DPP10: variants seen among roughly 807,000 people sequenced by gnomAD.
DPP10 encodes the protein inactive dipeptidyl peptidase 10.
DPP10 carries 33 observed loss-of-function variants against 120.9 expected under a neutral mutation model. The observed-to-expected ratio is 0.27, with a 90% confidence interval of 0.21 to 0.37. The LOEUF (loss-of-function observed/expected upper bound fraction) is 0.37. Ranked by LOEUF, DPP10 falls within the 10% of genes least tolerant of loss-of-function variation. The pLI, the probability that DPP10 is intolerant of heterozygous loss-of-function variation, is 1.00. For synonymous variants in DPP10, 337 were observed against 326.1 expected, an observed-to-expected ratio of 1.03 and a Z score of -0.36; for missense variants, 816 against 942.8, an observed-to-expected ratio of 0.87 and a Z score of 1.76.
intron 1 of DPP10, among the ~76,000 whole-genome samples, chr2:114,862,677 G>A (rs1689906415): frequency 6.6e-6 from 1 of 152,094 alleles, no homozygotes; most frequent in Non-Finnish European, 1.5e-5. Context: ...AAATGTGAAA[G>A]CTATACAACA....
intron 5 of DPP10, among the ~76,000 whole-genome samples, chr2:115,661,773 A>G (rs1168391409): frequency 6.6e-6 from 1 of 152,188 alleles, no homozygotes; most frequent in East Asian, 1.9e-4. Flanking sequence ...TAAGATGTGC[A>G]AGTTAATGAT....
intron 4 of DPP10, among the ~76,000 whole-genome samples, chr2:115,501,577 T>C (rs990120825): frequency 6.6e-6 from 1 of 152,140 alleles, no homozygotes; most frequent in Non-Finnish European, 1.5e-5. Flanking sequence ...AAGATTCATA[T>C]GCTCCCTAAG....
At chr2:114,820,149 A>G (rs1685969909) in intron 1 of DPP10, among the ~76,000 whole-genome samples, 1 of 152,238 alleles carries the variant, frequency 6.6e-6, no homozygotes, top group Admixed American at 6.5e-5. Context: ...AGAGGGAATT[A>G]GTTACAATGT....
intron 7 of DPP10, among the ~76,000 whole-genome samples, chr2:115,717,056 C>A (rs911628520): frequency 6.6e-6 from 1 of 152,198 alleles, no homozygotes; most frequent in Non-Finnish European, 1.5e-5. Context: ...GGCTGAAATG[C>A]ATATGCAGGA....
chr2:114,747,941 G>A (rs2106019130), intron 1 of DPP10, among the ~76,000 whole-genome samples: 1 of 152,292 alleles, frequency 6.6e-6, no homozygotes, highest in East Asian at 1.9e-4. Context: ...GTGCCAAGCT[G>A]TAAACTGTTG....
chr2:114,890,227 G>C (rs774648605), intron 1 of DPP10, among the ~76,000 whole-genome samples: 2 of 152,184 alleles, frequency 1.3e-5, no homozygotes, highest in East Asian at 3.9e-4. Context: ...AAATGAATTT[G>C]AGGCAGGAGC....
chr2:115,167,350 G>A (rs2052958649), intron 1 of DPP10, among the ~76,000 whole-genome samples: 1 of 151,598 alleles, frequency 6.6e-6, no homozygotes. Flanking sequence ...TTGAGCCTAG[G>A]AGTTCTAGAC....
At chr2:114,838,587 G>A (rs1362365129) in intron 1 of DPP10, among the ~76,000 whole-genome samples, 5 of 152,110 alleles carry the variant, frequency 3.3e-5, no homozygotes, top group African/African-American at 4.8e-5. Context: ...ATGAGCCACT[G>A]TGCCCCGCCC....
At position 114,461,195 on chromosome 2, in the gene DPP10, T is replaced by C. The variant is rs140490505; in HGVS notation, c.60+18357T>C. Among the ~76,000 whole-genome samples the C allele has an allele frequency of 3.2e-4, 48 of 152,292 alleles. No individual in the cohort carries two copies. The East Asian group carries it at 9.1e-3, about 29-fold the overall frequency. On this transcript the variant is annotated intron_variant, in intron 1 of 25. Coordinates refer to ENST00000410059, the MANE Select transcript of DPP10 (RefSeq NM_020868.6). ...AAGCTTCATCTGAATGAGTTAGCAT[T>C]TGAGTTCCATATGATTTTCAGCAGG...
chr2:115,622,181 C>T (rs906954874), intron 5 of DPP10, among the ~76,000 whole-genome samples: 3 of 152,148 alleles, frequency 2.0e-5, no homozygotes, highest in African/African-American at 7.2e-5. Flanking sequence ...CTCTGCTGTC[C>T]ACCCCTCATG....
intron 3 of DPP10, among the ~76,000 whole-genome samples, chr2:115,355,864 G>A (rs1470076754): frequency 6.6e-6 from 1 of 152,160 alleles, no homozygotes; most frequent in Non-Finnish European, 1.5e-5. Flanking sequence ...TCAGATGGCT[G>A]TAGATGTGTG....
chr2:114,504,457 G>T (rs1024544617), intron 1 of DPP10, among the ~76,000 whole-genome samples: 1 of 152,044 alleles, frequency 6.6e-6, no homozygotes, highest in Non-Finnish European at 1.5e-5. Flanking sequence ...ACTCCAGCCT[G>T]CAACTAAGCC....
intron 4 of DPP10, among the ~76,000 whole-genome samples, chr2:115,522,288 C>T (rs879793743): frequency 2.8e-4 from 43 of 152,106 alleles, no homozygotes; most frequent in Middle Eastern, 3.2e-3. Flanking sequence ...TTCAAGCAAC[C>T]ATGTTTTGGA....
At chr2:114,901,177 C>T (rs1284042521) in intron 1 of DPP10, among the ~76,000 whole-genome samples, 2 of 151,916 alleles carry the variant, frequency 1.3e-5, no homozygotes, top group East Asian at 1.9e-4. Flanking sequence ...ATGGATAACT[C>T]GTTTTGTTTT....
intron 1 of DPP10, among the ~76,000 whole-genome samples, chr2:114,663,522 T>C (rs964797841): frequency 6.7e-6 from 1 of 150,336 alleles, no homozygotes; most frequent in Non-Finnish European, 1.5e-5. Flanking sequence ...ATTTTGGTTG[T>C]TTTATTATAC....
chr2:115,642,372 G>GACCTTAAA (rs2086856499), intron 5 of DPP10, among the ~76,000 whole-genome samples: 3 of 152,044 alleles, frequency 2.0e-5, no homozygotes, highest in Non-Finnish European at 4.4e-5. Context: ...AGGTGGGTGG[G>GACCTTAAA]CTCATCCATT....
chr2:114,721,409 A>T (rs940504640), intron 1 of DPP10, among the ~76,000 whole-genome samples: 2 of 152,202 alleles, frequency 1.3e-5, no homozygotes, highest in Non-Finnish European at 2.9e-5. Context: ...TAATTTGGCT[A>T]TGTGCAAATC....
intron 1 of DPP10, among the ~76,000 whole-genome samples, chr2:115,084,590 G>A (rs899539117): frequency 1.3e-5 from 2 of 152,318 alleles, no homozygotes; most frequent in African/African-American, 4.8e-5. Flanking sequence ...AGCTGTTTTT[G>A]TGTTCTTGAA....
chr2:115,840,266 A>G (rs947779250), intron 24 of DPP10, among the ~76,000 whole-genome samples: 1 of 136,408 alleles, frequency 7.3e-6, no homozygotes, highest in Non-Finnish European at 1.6e-5. Flanking sequence ...AAGTTTTACC[A>G]TTGTATTTGT....
Sources: allele counts gnomAD v4.1 joint callset (sites outside exome capture counted in the v4.1 genomes callset), GRCh38; gene constraint gnomAD v4.1.1; transcripts MANE v1.5; gene names NCBI Gene and HGNC (gene_info 2026-07-23, HGNC 2026-07-21).